CDKAL1: variants seen among roughly 807,000 people sequenced by gnomAD.
The protein encoded by CDKAL1 is threonylcarbamoyladenosine tRNA methylthiotransferase.
CDKAL1 carries 32 observed loss-of-function variants against 68.2 expected under a neutral mutation model. That is an observed-to-expected ratio of 0.47 (90% CI 0.35 to 0.63). The LOEUF (loss-of-function observed/expected upper bound fraction) is 0.63, where lower values mean the gene tolerates loss of function less well. CDKAL1 is among the 30% of genes least tolerant of loss of function. CDKAL1 has a pLI of 0.00. For synonymous variants in CDKAL1, 234 were observed against 244.3 expected (o/e 0.96, Z 0.39); for missense variants, 606 against 696.7 (o/e 0.87, Z 1.47).
intron 4 of CDKAL1, among the ~76,000 whole-genome samples, chr6:20,553,494 G>A (rs1191694089): frequency 6.6e-6 from 1 of 152,194 alleles, no homozygotes; most frequent in African/African-American, 2.4e-5. Flanking sequence ...GGGTGACAGA[G>A]TGAGACACTG....
intron 13 of CDKAL1, among the ~76,000 whole-genome samples, chr6:21,127,307 G>A (rs1233901183): frequency 2.6e-5 from 4 of 152,164 alleles, no homozygotes; most frequent in Non-Finnish European, 4.4e-5. Flanking sequence ...GTCAAAAAGT[G>A]TTCCATCAAC....
In CDKAL1 at chr6:20,758,584, T is replaced by C; in HGVS notation, c.469-11T>C. The C allele has an allele frequency of 6.3e-7, 1 of 1,597,622 alleles. No homozygotes were observed. On this transcript the variant is annotated splice_polypyrimidine_tract_variant and intron_variant, in intron 6 of 15. Coordinates refer to ENST00000274695, the MANE Select transcript of CDKAL1 (RefSeq NM_017774.3). ...TAAATTACTTGTGTAATCGTTTTTT[T>C]TTTTTTCCAGGTTCAGCAGATAGAT...
intron 9 of CDKAL1, among the ~76,000 whole-genome samples, chr6:20,880,016 C>T (rs1760730125): frequency 6.6e-6 from 1 of 152,110 alleles, no homozygotes; most frequent in Non-Finnish European, 1.5e-5. Context: ...GAGGTTGGGG[C>T]TTTAATAATT....
At chr6:20,752,481 G>A (rs1477225986) in intron 6 of CDKAL1, among the ~76,000 whole-genome samples, 3 of 151,994 alleles carry the variant, frequency 2.0e-5, no homozygotes, top group Non-Finnish European at 4.4e-5. Flanking sequence ...TCTTCTATGT[G>A]CATGCACACA....
chr6:21,125,765 T>C (rs1332430818), intron 13 of CDKAL1, among the ~76,000 whole-genome samples: 1 of 152,240 alleles, frequency 6.6e-6, no homozygotes, highest in East Asian at 1.9e-4. Flanking sequence ...AACGGACTAA[T>C]ACACCATCAG....
chr6:21,192,423 A>G (rs1049125850), intron 13 of CDKAL1, among the ~76,000 whole-genome samples: 1 of 152,248 alleles, frequency 6.6e-6, no homozygotes, highest in African/African-American at 2.4e-5. Context: ...CATTTGATGA[A>G]TAAATTGTAA....
At chr6:20,784,412 CTTTTTTTTTTTTT>C (rs1175015329) in intron 8 of CDKAL1, among the ~76,000 whole-genome samples, 14 of 33,494 alleles carry the variant, frequency 4.2e-4, no homozygotes, top group Admixed American at 2.2e-3. Context: ...TATTTTATTT[CTTTTTTTTTTTTT>C]TTTTTTTTTT....
chr6:21,111,459 A>G (rs765678669), intron 13 of CDKAL1, among the ~76,000 whole-genome samples: 1 of 152,212 alleles, frequency 6.6e-6, no homozygotes, highest in African/African-American at 2.4e-5. Context: ...TCAGTGAGTC[A>G]GTTGTATTTG....
intron 10 of CDKAL1, among the ~76,000 whole-genome samples, chr6:20,973,527 G>T (rs1765694294): frequency 6.6e-6 from 1 of 152,144 alleles, no homozygotes. Flanking sequence ...AGGCATGCCA[G>T]TGTTCACTGG....
intron 5 of CDKAL1, among the ~76,000 whole-genome samples, chr6:20,720,624 A>G: frequency 6.6e-6 from 1 of 151,962 alleles, no homozygotes; most frequent in Non-Finnish European, 1.5e-5. Context: ...CTCCTGCCTC[A>G]GCCTCCCTAT....
chr6:20,807,306 C>G (rs1292928254), intron 8 of CDKAL1, among the ~76,000 whole-genome samples: 1 of 152,164 alleles, frequency 6.6e-6, no homozygotes, highest in African/African-American at 2.4e-5. Context: ...TCACTGCAAC[C>G]TCCACCTTCT....
At chr6:20,609,398 CTTCTT>C (rs1766506577) in intron 4 of CDKAL1, among the ~76,000 whole-genome samples, 1 of 83,416 alleles carries the variant, frequency 1.2e-5, no homozygotes, top group Admixed American at 1.3e-4. Context: ...TCTTCTTCTT[CTTCTT>C]TTTTTTTTTT....
intron 5 of CDKAL1, among the ~76,000 whole-genome samples, chr6:20,654,916 AGT>A (rs2127765475): frequency 6.6e-6 from 1 of 152,240 alleles, no homozygotes; most frequent in South Asian, 2.1e-4. Flanking sequence ...CTTCTTTAAG[AGT>A]GTATCTGTTT....
chr6:20,684,059 T>C (rs1012056681), intron 5 of CDKAL1, among the ~76,000 whole-genome samples: 1 of 152,236 alleles, frequency 6.6e-6, no homozygotes, highest in African/African-American at 2.4e-5. Context: ...TAGTGCTGAA[T>C]AATATTTCAT....
Position 21,187,136 on chromosome 6 carries a change from CA to C in CDKAL1, c.1300-10884del, listed in dbSNP as rs1345685730. Among the ~76,000 whole-genome samples the C allele has an allele frequency of 2.6e-5, 4 of 152,320 alleles. No individual in the cohort carries two copies. In the East Asian group the frequency reaches 7.7e-4, roughly 29 times the overall value. ...AACACATCTCAATTGAGATTCGCCACATTTTAAGTGCCCAGTGGCCACATAT... is the reference window on the plus strand; with the variant it reads ...AACACATCTCAATTGAGATTCGCCACTTTTAAGTGCCCAGTGGCCACATAT... On this transcript the variant is annotated intron_variant, in intron 13 of 15. Transcript: ENST00000274695.
intron 13 of CDKAL1, among the ~76,000 whole-genome samples, chr6:21,158,909 T>G (rs1582323340): frequency 6.6e-6 from 1 of 152,314 alleles, no homozygotes; most frequent in East Asian, 1.9e-4. Context: ...AATTATTTCT[T>G]TTTAGTTTTA....
chr6:20,867,756 C>G (rs1361496453), intron 9 of CDKAL1, among the ~76,000 whole-genome samples: 1 of 152,150 alleles, frequency 6.6e-6, no homozygotes, highest in Non-Finnish European at 1.5e-5. Context: ...TCATTCCTCT[C>G]CAAGGATGCA....
intron 9 of CDKAL1, among the ~76,000 whole-genome samples, chr6:20,915,108 A>C (rs1031712863): frequency 6.6e-6 from 1 of 152,032 alleles, no homozygotes; most frequent in African/African-American, 2.4e-5. Context: ...TCTAAAAGAA[A>C]TATATAAATT....
intron 6 of CDKAL1, among the ~76,000 whole-genome samples, chr6:20,744,264 A>G (rs1773574575): frequency 6.6e-6 from 1 of 152,228 alleles, no homozygotes; most frequent in African/African-American, 2.4e-5. Context: ...AGTTAACCAG[A>G]ACATAGGATG....
Sources: gnomAD v4.1 joint callset for allele counts (sites outside exome capture counted in the v4.1 genomes callset) on GRCh38, gnomAD v4.1.1 for gene constraint, MANE v1.5 for transcripts, NCBI Gene and HGNC (gene_info 2026-07-23, HGNC 2026-07-21) for gene names.